SRGAP1: variants seen among roughly 807,000 people sequenced by gnomAD.
SRGAP1 encodes the protein SLIT-ROBO Rho GTPase-activating protein 1.
A neutral mutation model predicts 121.9 loss-of-function variants in SRGAP1; 43 were observed. That is an observed-to-expected ratio of 0.35 (90% CI 0.28 to 0.46). The LOEUF (loss-of-function observed/expected upper bound fraction) is 0.46, where lower values mean the gene tolerates loss of function less well. Among genes scored for constraint, SRGAP1 ranks in the 20% least tolerant of loss-of-function variants. The probability of loss-of-function intolerance (pLI) is 1.00; values close to 1 mark genes in which losing one functional copy is unlikely to be tolerated. For missense variants in SRGAP1, 1,102 were observed against 1,350.9 expected (o/e 0.82, Z 2.89); for synonymous variants, 447 against 485.4 (o/e 0.92, Z 1.04).
At chr12:64,100,251 A>G (rs1026728538) in intron 15 of SRGAP1, among the ~76,000 whole-genome samples, 1 of 152,236 alleles carries the variant, frequency 6.6e-6, no homozygotes, top group Non-Finnish European at 1.5e-5. Context: ...TTTCTTTGGC[A>G]TAATTAACTC....
intron 18 of SRGAP1, among the ~76,000 whole-genome samples, chr12:64,121,007 C>CTTTTTTTTTTT (rs35809572): frequency 8.6e-5 from 10 of 115,990 alleles, no homozygotes; most frequent in Admixed American, 1.8e-4. Flanking sequence ...TTCTTTGTGT[C>CTTTTTTTTTTT]TTTTTTTTTT....
At position 64,142,485 on chromosome 12, in the gene SRGAP1, T is replaced by A. The variant is rs749986756; in HGVS notation, c.3071T>A (p.Ile1024Asn). The change falls in exon 22 of 22, where the codon ATT (isoleucine) becomes AAT (asparagine). Residue 1024 changes from isoleucine (I) to asparagine (N), a missense_variant. Physicochemically the swap from Ile to Asn is moderately radical, Grantham distance 149. Around this residue, in one of 3 missense-constraint regions of SRGAP1, gnomAD observed 315 missense variants for 343.1 expected, o/e 0.92. Coordinates refer to ENST00000355086, the MANE Select transcript of SRGAP1 (RefSeq NM_020762.4). ...NVALRSSEPQIRRSTSSSSDT... is the reference protein window; with the variant it reads ...NVALRSSEPQNRRSTSSSSDT... ...GCCCTCAGGAGCTCCGAGCCTCAGA[T>A]TCGACGTAGCACGAGCTCCTCCAGT... 1.2e-6 allele frequency: 2 copies of A among 1,614,154 alleles called. No individual in the cohort carries two copies. Among genetic ancestry groups the A allele is most frequent in the Non-Finnish European group, 1.7e-6 (2 of 1,180,024 alleles).
chr12:63,949,206 T>C lies in SRGAP1; in HGVS notation c.68-34741T>C, dbSNP rs562494098. On this transcript the variant is annotated intron_variant, in intron 1 of 21. Transcript: ENST00000355086. Reference sequence around the variant, plus strand: ...ATATATTTTTTTTTCCATATATATATATATTTTTTCCATATATATATATAC... The same window carrying C: ...ATATATTTTTTTTTCCATATATATACATATTTTTTCCATATATATATATAC... Among the ~76,000 whole-genome samples, 83 of 128,456 alleles carry C rather than the reference T, an allele frequency of 6.5e-4. 2 individuals are homozygous for C. The highest frequency in any genetic ancestry group is 2.4e-3 in the African/African-American group (82 of 34,696). The allele number at this position is 128,456 out of a possible 152,430, so 84.3% of individuals were successfully genotyped here. A position where few individuals can be genotyped will look rare whatever the true frequency, so the allele number is the denominator to read the frequency against.
At chr12:64,091,422 A>T in intron 12 of SRGAP1, 44 bp downstream of exon 12, 1 of 1,430,298 alleles carries the variant, frequency 7.0e-7, no homozygotes, top group Non-Finnish European at 9.8e-7. Flanking sequence ...CATGCTTCTT[A>T]CTATAATGGT....
At chr12:63,943,601 A>T (rs1448852750) in intron 1 of SRGAP1, among the ~76,000 whole-genome samples, 2 of 152,232 alleles carry the variant, frequency 1.3e-5, no homozygotes, top group African/African-American at 4.8e-5. Context: ...GGCTTTTAAC[A>T]ACTATTCTAT....
chr12:64,136,747 T>C lies in SRGAP1; in HGVS notation c.2881-5548T>C, dbSNP rs186441212. ...TTTGACTGTTTTATTTTTTTCTGTTTAGAGTGCTATGCAAGGCCCTTTGAG... is the reference window on the plus strand; with the variant it reads ...TTTGACTGTTTTATTTTTTTCTGTTCAGAGTGCTATGCAAGGCCCTTTGAG... On this transcript the variant is annotated intron_variant, in intron 21 of 21. Coordinates refer to ENST00000355086, the MANE Select transcript of SRGAP1 (RefSeq NM_020762.4). Among the ~76,000 whole-genome samples the C allele has an allele frequency of 2.6e-5, 4 of 152,326 alleles. No individual in the cohort carries two copies. In the East Asian group the frequency reaches 7.7e-4, roughly 29 times the overall value.
chr12:64,105,743 C>T (rs1175070331), intron 15 of SRGAP1, among the ~76,000 whole-genome samples: 1 of 152,158 alleles, frequency 6.6e-6, no homozygotes, highest in African/African-American at 2.4e-5. Flanking sequence ...GACATCACCC[C>T]ACTGCACTCC....
chr12:63,884,408 A>G (rs777175111), intron 1 of SRGAP1, among the ~76,000 whole-genome samples: 1 of 152,142 alleles, frequency 6.6e-6, no homozygotes, highest in Non-Finnish European at 1.5e-5. Context: ...TTTTAAATTG[A>G]TGCATTGTAG....
chr12:63,980,516 G>C (rs1422794053), intron 1 of SRGAP1, among the ~76,000 whole-genome samples: 1 of 152,072 alleles, frequency 6.6e-6, no homozygotes, highest in Non-Finnish European at 1.5e-5. Flanking sequence ...GTGCAGGGAG[G>C]TAACCACTGT....
At chr12:63,931,790 A>G (rs2031484293) in intron 1 of SRGAP1, among the ~76,000 whole-genome samples, 1 of 152,214 alleles carries the variant, frequency 6.6e-6, no homozygotes, top group Non-Finnish European at 1.5e-5. Context: ...CCTTAGAACA[A>G]GGTGGATAAG....
At chr12:64,081,318 A>T (rs1233084298) in intron 10 of SRGAP1, 1 of 152,120 alleles carries the variant, frequency 6.6e-6, no homozygotes, top group African/African-American at 2.4e-5. Flanking sequence ...ACAATTCTGG[A>T]ACCTTCCTTA....
chr12:64,117,005 G>A (rs2036533862), intron 18 of SRGAP1, among the ~76,000 whole-genome samples: 1 of 152,156 alleles, frequency 6.6e-6, no homozygotes, highest in African/African-American at 2.4e-5. Context: ...GGGGCATTAG[G>A]GGATGTCCCA....
intron 1 of SRGAP1, among the ~76,000 whole-genome samples, chr12:63,900,157 C>A (rs144390522): frequency 6.6e-6 from 1 of 150,810 alleles, no homozygotes; most frequent in Non-Finnish European, 1.5e-5. Flanking sequence ...TAAGCAATGC[C>A]TTATGTCTCC....
intron 4 of SRGAP1, among the ~76,000 whole-genome samples, chr12:64,024,260 C>G (rs1431800018): frequency 6.6e-6 from 1 of 152,084 alleles, no homozygotes; most frequent in East Asian, 1.9e-4. Context: ...AAAAACCTGT[C>G]TCTCCTAAAA....
chr12:63,979,689 C>T (rs1483875674), intron 1 of SRGAP1, among the ~76,000 whole-genome samples: 1 of 151,988 alleles, frequency 6.6e-6, no homozygotes, highest in African/African-American at 2.4e-5. Flanking sequence ...TCTCCAGTGC[C>T]TAGGACACTG....
At chr12:63,902,783 T>G (rs1243653044) in intron 1 of SRGAP1, among the ~76,000 whole-genome samples, 1 of 152,198 alleles carries the variant, frequency 6.6e-6, no homozygotes, top group Non-Finnish European at 1.5e-5. Context: ...GACTTACTAT[T>G]TTTGTCACAT....
At chr12:64,084,788 AAC>A (rs1182774169) in intron 10 of SRGAP1, among the ~76,000 whole-genome samples, 7 of 152,180 alleles carry the variant, frequency 4.6e-5, no homozygotes, top group African/African-American at 1.4e-4. Flanking sequence ...TCAAAGTTAT[AAC>A]ACATTTCATT....
chr12:63,883,747 C>T (rs1900273289), intron 1 of SRGAP1, among the ~76,000 whole-genome samples: 2 of 151,360 alleles, frequency 1.3e-5, no homozygotes, highest in South Asian at 2.1e-4. Context: ...CAAGCTCCAC[C>T]TCCCGGGTTC....
At chr12:63,956,765 C>A (rs2032487016) in intron 1 of SRGAP1, among the ~76,000 whole-genome samples, 1 of 122,998 alleles carries the variant, frequency 8.1e-6, no homozygotes, top group Non-Finnish European at 1.6e-5. Flanking sequence ...GAGATAGAGA[C>A]ATACACTTTA....
Sources: allele counts gnomAD v4.1 joint callset (sites outside exome capture counted in the v4.1 genomes callset), GRCh38; gene constraint gnomAD v4.1.1; regional missense constraint gnomAD v4.1.1; transcripts MANE v1.5; gene names NCBI Gene and HGNC (gene_info 2026-07-23, HGNC 2026-07-21).